MAST4: variants seen among roughly 807,000 people sequenced by gnomAD.
The protein encoded by MAST4 is microtubule-associated serine/threonine-protein kinase 4.
A neutral mutation model predicts 162.7 loss-of-function variants in MAST4; 89 were observed. That is an observed-to-expected ratio of 0.55 (90% confidence interval 0.46 to 0.65). The LOEUF (loss-of-function observed/expected upper bound fraction) is 0.65. Ranked by LOEUF, MAST4 falls within the 30% of genes least tolerant of loss-of-function variation. The pLI, the probability that MAST4 is intolerant of heterozygous loss-of-function variation, is 0.00. For synonymous variants in MAST4, 1,479 were observed against 1,361.1 expected (o/e 1.09, Z -1.91); for missense variants, 3,153 against 3,374.0 (o/e 0.93, Z 1.62).
chr5:66,974,631 CAGA>C (rs1277539120), intron 4 of MAST4, among the ~76,000 whole-genome samples: 1 of 152,164 alleles, frequency 6.6e-6, no homozygotes, highest in Non-Finnish European at 1.5e-5. Flanking sequence ...CTTCTCTGAA[CAGA>C]AGGTTTGGCC....
At position 67,160,529 on chromosome 5, in the gene MAST4, A is replaced by C. The variant is rs768118637; in HGVS notation, c.3722A>C (p.Asn1241Thr). Residue 1241 changes from asparagine to threonine, a missense_variant, in exon 27 of 29, where the codon AAC becomes ACC. Asn to Thr is a moderately conservative substitution (Grantham distance 65). This residue lies in a region of MAST4 where 619 missense variants were observed against 744.2 expected (regional missense o/e 0.83). Coordinates refer to ENST00000403625, the MANE Select transcript of MAST4 (RefSeq NM_001164664.2). ...ATCAAAACTGGACCAGCCAGGAGAAACAGCTATAAGAGCCGGATGGTGAGG... is the reference window on the plus strand; with the variant it reads ...ATCAAAACTGGACCAGCCAGGAGAACCAGCTATAAGAGCCGGATGGTGAGG... ...TSIKTGPARRNSYKSRMVRRS... is the reference protein window; with the variant it reads ...TSIKTGPARRTSYKSRMVRRS... 13 of 1,613,894 alleles carry C rather than the reference A, an allele frequency of 8.1e-6. No individual in the cohort carries two copies. Among genetic ancestry groups the C allele is most frequent in the Non-Finnish European group, 1.0e-5 (12 of 1,179,884 alleles).
intron 3 of MAST4, among the ~76,000 whole-genome samples, chr5:66,890,399 G>T (rs1205189822): frequency 6.6e-6 from 1 of 152,080 alleles, no homozygotes; most frequent in East Asian, 1.9e-4. Context: ...GCTCGATTTT[G>T]ACATCAAGGG....
At chr5:66,695,313 T>C (rs575164422) in intron 1 of MAST4, among the ~76,000 whole-genome samples, 1 of 152,178 alleles carries the variant, frequency 6.6e-6, no homozygotes, top group African/African-American at 2.4e-5. Flanking sequence ...TTGCCGAAGA[T>C]CGGATGGTTG....
intron 8 of MAST4, 67 bp downstream of exon 8, chr5:67,100,659 A>C: frequency 1.3e-6 from 2 of 1,589,502 alleles, no homozygotes; most frequent in Non-Finnish European, 1.7e-6. Context: ...TTGAGTGAAC[A>C]CTTCGGTCCT....
intron 1 of MAST4, among the ~76,000 whole-genome samples, chr5:66,676,692 A>G (rs560548901): frequency 6.6e-6 from 1 of 152,350 alleles, no homozygotes; most frequent in African/African-American, 2.4e-5. Flanking sequence ...CCAGGCTGCC[A>G]TAACACAAGT....
At chr5:66,978,946 G>A (rs997497047) in intron 4 of MAST4, among the ~76,000 whole-genome samples, 10 of 152,156 alleles carry the variant, frequency 6.6e-5, no homozygotes, top group Non-Finnish European at 1.5e-4. Context: ...TAGAAGGAAA[G>A]TGCAGAAAAG....
chr5:66,838,779 G>T (rs1034495348), intron 3 of MAST4, among the ~76,000 whole-genome samples: 2 of 152,158 alleles, frequency 1.3e-5, no homozygotes, highest in Admixed American at 1.3e-4. Flanking sequence ...TGAACAGGGT[G>T]CATCTTTTTC....
chr5:66,650,039 C>T (rs558610386), intron 1 of MAST4, among the ~76,000 whole-genome samples: 2 of 152,030 alleles, frequency 1.3e-5, no homozygotes, highest in African/African-American at 4.8e-5. Flanking sequence ...TGACCATGCT[C>T]CAACTTGGAC....
chr5:67,150,222 C>A (rs527801117), intron 24 of MAST4, among the ~76,000 whole-genome samples: 2 of 152,310 alleles, frequency 1.3e-5, no homozygotes, highest in South Asian at 4.1e-4. Context: ...TTTGCCACTA[C>A]TGATCACTAA....
At chr5:67,057,036 ATGT>A (rs1254425161) in intron 5 of MAST4, among the ~76,000 whole-genome samples, 2 of 152,122 alleles carry the variant, frequency 1.3e-5, no homozygotes, top group African/African-American at 4.8e-5. Flanking sequence ...TGGAGCCAAC[ATGT>A]TGTTGTTCTC....
intron 3 of MAST4, among the ~76,000 whole-genome samples, chr5:66,867,532 A>G (rs1243709409): frequency 6.6e-6 from 1 of 152,258 alleles, no homozygotes; most frequent in East Asian, 1.9e-4. Context: ...AGCATTTAGC[A>G]TAGAGATGAA....
In MAST4 at chr5:67,165,451, C is replaced by G. The variant is rs970334325; in HGVS notation, c.6272C>G (p.Ser2091Cys). 1 of 1,613,804 alleles carries G rather than the reference C, an allele frequency of 6.2e-7. No individual in the cohort carries two copies. Among genetic ancestry groups the G allele is most frequent in the Non-Finnish European group, 8.5e-7 (1 of 1,179,902 alleles). ...CCCGAAGCGCTTCTTGCCAGGCGGT[C>G]TCTGCAGCCACCTGGAATTGAGAGT... ...PKPEALLARR[S>C]LQPPGIESEK... Residue 2091 changes from serine (S) to cysteine (C), a missense_variant, in exon 29 of 29, where the codon TCT (serine) becomes TGT (cysteine). Transcript: ENST00000403625.
chr5:66,834,280 A>G (rs527550059), intron 3 of MAST4, among the ~76,000 whole-genome samples: 6 of 152,170 alleles, frequency 3.9e-5, no homozygotes, highest in Non-Finnish European at 8.8e-5. Flanking sequence ...CTAGGCCTAA[A>G]GGGGTGAGAG....
intron 3 of MAST4, among the ~76,000 whole-genome samples, chr5:66,827,828 T>C (rs572517369): frequency 6.6e-6 from 1 of 152,334 alleles, no homozygotes; most frequent in South Asian, 2.1e-4. Context: ...TAAATATCTT[T>C]AGAATAGACA....
At chr5:66,815,082 A>G (rs899871736) in intron 3 of MAST4, among the ~76,000 whole-genome samples, 6 of 152,240 alleles carry the variant, frequency 3.9e-5, no homozygotes, top group African/African-American at 1.4e-4. Flanking sequence ...CATTTGAAGG[A>G]ATAGACTTCA....
At chr5:66,916,260 C>G (rs1764112243) in intron 4 of MAST4, among the ~76,000 whole-genome samples, 1 of 152,102 alleles carries the variant, frequency 6.6e-6, no homozygotes, top group South Asian at 2.1e-4. Context: ...TTAGAACATT[C>G]AGGAGTCCTT....
chr5:67,066,308 T>G (rs1760225031), intron 5 of MAST4, among the ~76,000 whole-genome samples: 1 of 151,550 alleles, frequency 6.6e-6, no homozygotes, highest in Non-Finnish European at 1.5e-5. Flanking sequence ...TAAATATAAA[T>G]CATCTATATT....
intron 4 of MAST4, among the ~76,000 whole-genome samples, chr5:66,961,932 A>G (rs1354281771): frequency 6.6e-6 from 1 of 152,258 alleles, no homozygotes; most frequent in East Asian, 1.9e-4. Context: ...AAGTGCTGGT[A>G]CCAAATCAGA....
intron 7 of MAST4, among the ~76,000 whole-genome samples, chr5:67,099,962 T>C (rs1446669541): frequency 1.3e-5 from 2 of 152,222 alleles, no homozygotes; most frequent in African/African-American, 4.8e-5. Flanking sequence ...TGCCACACAC[T>C]GATGCATTGT....
Sources: allele counts gnomAD v4.1 joint callset (sites outside exome capture counted in the v4.1 genomes callset), GRCh38; gene constraint gnomAD v4.1.1; regional missense constraint gnomAD v4.1.1; transcripts MANE v1.5; gene names NCBI Gene and HGNC (gene_info 2026-07-23, HGNC 2026-07-21).